MAF: variants seen among roughly 807,000 people sequenced by gnomAD.
MAF encodes the protein MAF bZIP transcription factor, also known as transcription factor Maf.
MAF carries 10 observed loss-of-function variants against 22.0 expected under a neutral mutation model. The ratio of observed to expected loss-of-function variants is 0.45; its 90% CI spans 0.28 to 0.77. The LOEUF is 0.77. Ranked by LOEUF, MAF falls within the 30% of genes least tolerant of loss-of-function variation. The pLI is 0.12. For synonymous variants in MAF, 337 were observed against 255.8 expected (o/e 1.32, Z -3.03); for missense variants, 544 against 548.4 (o/e 0.99, Z 0.08).
chr16:79,341,112 G>C, the MAF span, among the ~76,000 whole-genome samples: 8 of 152,298 alleles, frequency 5.3e-5, no homozygotes, highest in African/African-American at 1.9e-4. Context: ...CAGAGTGTAG[G>C]GGCAGGTGTG....
At chr16:79,526,596 T>C in the MAF span, among the ~76,000 whole-genome samples, 1 of 152,178 alleles carries the variant, frequency 6.6e-6, no homozygotes, top group East Asian at 1.9e-4. Flanking sequence ...AGATAGGTCT[T>C]ACAGGTTAGC....
At chr16:79,216,020 G>C in the MAF span, among the ~76,000 whole-genome samples, 6 of 152,122 alleles carry the variant, frequency 3.9e-5, no homozygotes, top group Middle Eastern at 3.2e-3. Flanking sequence ...CTATTTCTGT[G>C]ATAAATTCTT....
the MAF span, among the ~76,000 whole-genome samples, chr16:79,482,763 G>C: frequency 6.6e-6 from 1 of 151,930 alleles, no homozygotes; most frequent in East Asian, 1.9e-4. Flanking sequence ...ACCCAATGAG[G>C]GGTTCAAGGA....
chr16:79,369,070 A>G, the MAF span, among the ~76,000 whole-genome samples: 1 of 152,234 alleles, frequency 6.6e-6, no homozygotes, highest in Non-Finnish European at 1.5e-5. Flanking sequence ...ACACAGCAAG[A>G]GCCCAAGAAA....
chr16:79,224,585 T>C, the MAF span, among the ~76,000 whole-genome samples: 2 of 152,178 alleles, frequency 1.3e-5, no homozygotes, highest in African/African-American at 4.8e-5. Context: ...TGTTTACAGA[T>C]GACATGATTG....
intron 1 of MAF, chr16:79,594,881 C>G: frequency 8.3e-7 from 1 of 1,211,686 alleles, no homozygotes; most frequent in Non-Finnish European, 1.0e-6. Context: ...TTTGGGGGCC[C>G]AAACCTGCTT....
the MAF span, among the ~76,000 whole-genome samples, chr16:79,505,951 G>A: frequency 6.6e-6 from 1 of 151,312 alleles, no homozygotes; most frequent in Non-Finnish European, 1.5e-5. Context: ...AAGGAAAAGA[G>A]AAAGAAAGAA....
At chr16:79,522,356 G>A in the MAF span, among the ~76,000 whole-genome samples, 3 of 152,160 alleles carry the variant, frequency 2.0e-5, no homozygotes, top group African/African-American at 7.2e-5. Context: ...TGAGAAACCA[G>A]CCTGCAAATG....
the MAF span, among the ~76,000 whole-genome samples, chr16:79,578,851 T>A: frequency 6.6e-6 from 1 of 152,200 alleles, no homozygotes; most frequent in African/African-American, 2.4e-5. Flanking sequence ...TTTAGGGCCC[T>A]CTGAGTACAG....
At chr16:79,281,404 C>A in the MAF span, among the ~76,000 whole-genome samples, 11 of 152,128 alleles carry the variant, frequency 7.2e-5, no homozygotes, top group East Asian at 2.1e-3. Flanking sequence ...AAAAAGAGAG[C>A]CATAGGGTAC....
the MAF span, among the ~76,000 whole-genome samples, chr16:79,373,177 T>C: frequency 4.6e-5 from 7 of 152,074 alleles, no homozygotes; most frequent in Non-Finnish European, 1.0e-4. Flanking sequence ...CCTAGTAGCA[T>C]AGGGAACTGC....
chr16:79,537,340 C>A, the MAF span, among the ~76,000 whole-genome samples: 1 of 152,286 alleles, frequency 6.6e-6, no homozygotes, highest in East Asian at 1.9e-4. Flanking sequence ...TAATAGTCAT[C>A]GAGTACTTGC....
the MAF span, among the ~76,000 whole-genome samples, chr16:79,404,800 G>A: frequency 1.3e-5 from 2 of 152,064 alleles, no homozygotes; most frequent in African/African-American, 2.4e-5. Flanking sequence ...GGTTTTCAGC[G>A]CCACTGAGGG....
At chr16:79,208,029 A>T in the MAF span, among the ~76,000 whole-genome samples, 1 of 152,100 alleles carries the variant, frequency 6.6e-6, no homozygotes. Flanking sequence ...TCTAAATCCC[A>T]CCTTTCTGTA....
At chr16:79,245,787 G>A in the MAF span, among the ~76,000 whole-genome samples, 4 of 152,020 alleles carry the variant, frequency 2.6e-5, no homozygotes, top group Non-Finnish European at 4.4e-5. Context: ...ATTCACAATA[G>A]CAAAGACTTG....
At chr16:79,540,074 G>A in the MAF span, among the ~76,000 whole-genome samples, 30 of 152,116 alleles carry the variant, frequency 2.0e-4, no homozygotes, top group African/African-American at 7.2e-4. Context: ...CTAAGGGGAA[G>A]AATTGAGACT....
chr16:79,397,779 C>T, the MAF span, among the ~76,000 whole-genome samples: 22 of 152,142 alleles, frequency 1.4e-4, no homozygotes, highest in African/African-American at 4.6e-4. Context: ...CCCCCCTCCC[C>T]GGTGAAGAAA....
At chr16:79,211,479 G>A in the MAF span, 81 of 1,193,754 alleles carry the variant, frequency 6.8e-5, no homozygotes, top group Admixed American at 9.2e-4. Context: ...AGTACCCTTT[G>A]CTATGCCAAG....
chr16:79,364,369 G>C, the MAF span, among the ~76,000 whole-genome samples: 5 of 152,292 alleles, frequency 3.3e-5, no homozygotes, highest in East Asian at 7.7e-4. Context: ...CTGTGAGTTA[G>C]TTTTTGGACA....
Sources: allele counts gnomAD v4.1 joint callset (sites outside exome capture counted in the v4.1 genomes callset), GRCh38; gene constraint gnomAD v4.1.1; transcripts MANE v1.5; gene names NCBI Gene and HGNC (gene_info 2026-07-23, HGNC 2026-07-21).